Variants in ADTRP observed in about 807,000 individuals in gnomAD.
ADTRP encodes androgen dependent TFPI regulating protein.
Under a neutral mutation model 27.0 loss-of-function variants are expected in ADTRP, and 20 were observed. That is an observed-to-expected ratio of 0.74 (90% CI 0.52 to 1.08). The LOEUF is 1.08. ADTRP is among the 50% of genes least tolerant of loss of function. ADTRP has a pLI of 0.00. For missense variants in ADTRP, 251 were observed against 275.0 expected (o/e 0.91, Z 0.62); for synonymous variants, 101 against 105.2 (o/e 0.96, Z 0.25).
intron 5 of ADTRP, among the ~76,000 whole-genome samples, chr6:11,718,887 C>G (rs1429309590): frequency 2.0e-5 from 3 of 152,244 alleles, no homozygotes; most frequent in Non-Finnish European, 2.9e-5. Flanking sequence ...CAACACTTGC[C>G]TCCTTGACGC....
chr6:11,717,557 C>T (rs999268002), intron 5 of ADTRP: 1 of 1,016,126 alleles, frequency 9.8e-7, no homozygotes, highest in Middle Eastern at 2.9e-4. Flanking sequence ...TATGTATCTA[C>T]AACCACAAAA....
chr6:11,760,151 T>G lies in ADTRP; in HGVS notation c.390+6123A>C, dbSNP rs577779656. On this transcript the variant is annotated intron_variant, in intron 3 of 5. Transcript: ENST00000414691. Reference sequence around the variant, plus strand: ...AATAGCAACAAGCACACTACTCTGTTCTCTCACCTTGTTTATTTATTGTGT... The same window carrying G: ...AATAGCAACAAGCACACTACTCTGTGCTCTCACCTTGTTTATTTATTGTGT... Among the ~76,000 whole-genome samples, 67 of 152,310 alleles carry G rather than the reference T, an allele frequency of 4.4e-4. 1 individual carries two copies. Among genetic ancestry groups the G allele is most frequent in the African/African-American group, 1.6e-3 (66 of 41,560 alleles).
At chr6:11,766,409 G>C (rs753380575) in intron 2 of ADTRP, 34 bp from the exon 3 acceptor site, 5 of 1,509,542 alleles carry the variant, frequency 3.3e-6, no homozygotes, top group Admixed American at 1.7e-5. Context: ...AGCATCATTA[G>C]GCTTGTTTTT....
chr6:11,767,570 T>C (rs939526985), intron 2 of ADTRP: 1 of 152,270 alleles, frequency 6.6e-6, no homozygotes, highest in African/African-American at 2.4e-5. Context: ...GCAGCCAGCA[T>C]GCCTGATCTC....
chr6:11,734,617 G>A (rs1464959142), intron 4 of ADTRP, among the ~76,000 whole-genome samples: 1 of 152,136 alleles, frequency 6.6e-6, no homozygotes, highest in Non-Finnish European at 1.5e-5. Flanking sequence ...CAGCAGATGA[G>A]GTCTGGGCAC....
intron 2 of ADTRP, 84 bp downstream of exon 2, chr6:11,768,165 C>T: frequency 7.8e-6 from 12 of 1,539,006 alleles, no homozygotes; most frequent in Non-Finnish European, 1.1e-5. Context: ...CAATTATGGG[C>T]TCCCAAACAG....
chr6:11,749,556 C>T (rs987691727), intron 3 of ADTRP, among the ~76,000 whole-genome samples: 8 of 151,988 alleles, frequency 5.3e-5, no homozygotes, highest in Admixed American at 5.2e-4. Flanking sequence ...CCTGGAAGAA[C>T]ATCACCCTTT....
At chr6:11,757,853 C>T (rs34893534) in intron 3 of ADTRP, among the ~76,000 whole-genome samples, 7,664 of 152,196 alleles carry the variant, frequency 0.05, 213 homozygotes, top group Middle Eastern at 0.11. Flanking sequence ...ACCTTGGTTT[C>T]GGACACTTAG....
Position 11,754,523 on chromosome 6 carries a change from C to T in ADTRP, c.390+11751G>A, listed in dbSNP as rs796869781. Among the ~76,000 whole-genome samples the T allele has an allele frequency of 2.5e-4, 38 of 152,268 alleles. 2 individuals carry two copies. Among genetic ancestry groups the T allele is most frequent in the African/African-American group, 9.1e-4 (38 of 41,566 alleles). On this transcript the variant is annotated intron_variant, in intron 3 of 5. Transcript: ENST00000414691. ...GGATCCACGTGACGGACGTGTAATA[C>T]ATGGGCAAGTGTAATTACACTATCA...
chr6:11,757,178 T>C (rs1306465977), intron 3 of ADTRP, among the ~76,000 whole-genome samples: 1 of 152,216 alleles, frequency 6.6e-6, no homozygotes, highest in East Asian at 1.9e-4. Flanking sequence ...AAAAGAAATG[T>C]AGAGTCTGAA....
At chr6:11,719,295 A>T (rs879592041) in intron 5 of ADTRP, among the ~76,000 whole-genome samples, 2 of 152,148 alleles carry the variant, frequency 1.3e-5, no homozygotes, top group Non-Finnish European at 2.9e-5. Flanking sequence ...CAGAATCCAC[A>T]CTTTAACAAG....
At chr6:11,778,358 A>G (rs1029003833) in intron 1 of ADTRP, among the ~76,000 whole-genome samples, 1 of 152,188 alleles carries the variant, frequency 6.6e-6, no homozygotes, top group Admixed American at 6.5e-5. Context: ...GAGCTCCAAG[A>G]TGAGATTTTT....
intron 5 of ADTRP, among the ~76,000 whole-genome samples, chr6:11,722,568 A>G (rs1762052506): frequency 6.6e-6 from 1 of 152,118 alleles, no homozygotes; most frequent in South Asian, 2.1e-4. Flanking sequence ...GGGGTAGGGA[A>G]GCAAGTCATG....
chr6:11,726,358 G>A (rs1312980365), intron 4 of ADTRP, among the ~76,000 whole-genome samples: 2 of 152,162 alleles, frequency 1.3e-5, no homozygotes, highest in Non-Finnish European at 2.9e-5. Flanking sequence ...GGAGGTGTTC[G>A]GGTCATGGGG....
chr6:11,761,543 A>G (rs1763389946), intron 3 of ADTRP, among the ~76,000 whole-genome samples: 1 of 152,186 alleles, frequency 6.6e-6, no homozygotes, highest in African/African-American at 2.4e-5. Context: ...ATTTCTTAAG[A>G]TTAGGGACCA....
intron 1 of ADTRP, among the ~76,000 whole-genome samples, chr6:11,777,318 T>C (rs7762554): frequency 0.016 from 2,495 of 152,126 alleles, 79 homozygotes; most frequent in African/African-American, 0.057. Flanking sequence ...AAATCTATTC[T>C]TAGCCACACA....
chr6:11,725,508 A>AT (rs1182600791), intron 4 of ADTRP, among the ~76,000 whole-genome samples: 4 of 152,072 alleles, frequency 2.6e-5, no homozygotes, highest in African/African-American at 4.8e-5. Flanking sequence ...TGGATACTAT[A>AT]TTTTTTTTAA....
chr6:11,752,507 T>C (rs1763090976), intron 3 of ADTRP, among the ~76,000 whole-genome samples: 1 of 152,072 alleles, frequency 6.6e-6, no homozygotes. Flanking sequence ...AGGAAGCTGT[T>C]GAAAAGGGAA....
At chr6:11,757,765 C>T (rs1763260083) in intron 3 of ADTRP, among the ~76,000 whole-genome samples, 1 of 152,202 alleles carries the variant, frequency 6.6e-6, no homozygotes, top group Non-Finnish European at 1.5e-5. Context: ...CCAAGGACTG[C>T]TGGCAACACC....
Sources: allele counts gnomAD v4.1 joint callset (sites outside exome capture counted in the v4.1 genomes callset), GRCh38; gene constraint gnomAD v4.1.1; transcripts MANE v1.5; gene names NCBI Gene and HGNC (gene_info 2026-07-23, HGNC 2026-07-21).